Variants in CDKL4 observed in about 807,000 individuals in gnomAD.
The protein encoded by CDKL4 is cyclin-dependent kinase-like 4.
Under a neutral mutation model 42.0 loss-of-function variants are expected in CDKL4, and 44 were observed. The ratio of observed to expected loss-of-function variants is 1.05; its 90% CI spans 0.82 to 1.35. CDKL4 has a LOEUF of 1.35. CDKL4 is among the 40% of genes most tolerant of loss of function. The probability of loss-of-function intolerance (pLI) is 0.00; values close to 1 mark genes in which losing one functional copy is unlikely to be tolerated. For missense variants in CDKL4, 393 were observed against 369.9 expected (o/e 1.06, Z -0.51); for synonymous variants, 120 against 121.6 (o/e 0.99, Z 0.09).
chr2:39,239,216 A>G (rs1448774701), intron 1 of CDKL4, among the ~76,000 whole-genome samples: 1 of 152,214 alleles, frequency 6.6e-6, no homozygotes, highest in Non-Finnish European at 1.5e-5. Context: ...AAAATGGACA[A>G]AGACCAAAAT....
chr2:39,228,114 A>G (rs913853771), intron 2 of CDKL4, among the ~76,000 whole-genome samples: 2 of 152,178 alleles, frequency 1.3e-5, no homozygotes, highest in African/African-American at 2.4e-5. Flanking sequence ...GGGCACTTGT[A>G]ATGCAGAAGG....
intron 2 of CDKL4, among the ~76,000 whole-genome samples, chr2:39,228,284 G>T (rs1199145651): frequency 6.6e-6 from 1 of 152,160 alleles, no homozygotes; most frequent in Non-Finnish European, 1.5e-5. Flanking sequence ...CGCGCCCTCT[G>T]CTGGCTGAGA....
chr2:39,221,126 G>C (rs538440745), intron 3 of CDKL4, among the ~76,000 whole-genome samples: 1 of 150,174 alleles, frequency 6.7e-6, no homozygotes, highest in African/African-American at 2.5e-5. Context: ...CCATTCTCCT[G>C]CCTCAGCCTC....
At chr2:39,207,689 AGG>A (rs1677288696) in intron 4 of CDKL4, among the ~76,000 whole-genome samples, 1 of 152,238 alleles carries the variant, frequency 6.6e-6, no homozygotes, top group African/African-American at 2.4e-5. Context: ...AATATACAAA[AGG>A]AAATGAAGTA....
At chr2:39,233,556 C>A (rs1679191648) in intron 1 of CDKL4, among the ~76,000 whole-genome samples, 1 of 152,144 alleles carries the variant, frequency 6.6e-6, no homozygotes, top group South Asian at 2.1e-4. Flanking sequence ...AAAGAAACTG[C>A]ATTTTACTAC....
intron 4 of CDKL4, among the ~76,000 whole-genome samples, chr2:39,211,815 T>A (rs966722527): frequency 6.6e-6 from 1 of 151,972 alleles, no homozygotes; most frequent in African/African-American, 2.4e-5. Flanking sequence ...AGCCCACTCA[T>A]CAATTTTAAC....
chr2:39,245,140 A>C (rs1679857631), upstream of CDKL4, among the ~76,000 whole-genome samples: 1 of 152,186 alleles, frequency 6.6e-6, no homozygotes, highest in African/African-American at 2.4e-5. Context: ...CACACTGTGG[A>C]AGCTTTGTTC....
intron 3 of CDKL4, among the ~76,000 whole-genome samples, chr2:39,220,107 A>C (rs1347900701): frequency 6.6e-6 from 1 of 152,202 alleles, no homozygotes; most frequent in African/African-American, 2.4e-5. Flanking sequence ...GAGGATAATT[A>C]GTTTCTCAGT....
chr2:39,219,248 A>T (rs1363884047), intron 3 of CDKL4, among the ~76,000 whole-genome samples: 2 of 152,148 alleles, frequency 1.3e-5, no homozygotes, highest in Non-Finnish European at 2.9e-5. Context: ...ATCCTGACCA[A>T]TTCAGGACAT....
At chr2:39,197,352 G>T (rs1407302440) in intron 5 of CDKL4, among the ~76,000 whole-genome samples, 1 of 151,498 alleles carries the variant, frequency 6.6e-6, no homozygotes, top group East Asian at 1.9e-4. Context: ...TGAAACCTAA[G>T]AATAATTGGT....
intron 5 of CDKL4, among the ~76,000 whole-genome samples, chr2:39,196,400 C>G (rs1468296724): frequency 3.3e-5 from 5 of 152,114 alleles, no homozygotes; most frequent in Non-Finnish European, 1.5e-5. Context: ...CTCTGGGTGG[C>G]TAGATCCAGA....
At chr2:39,225,404 CA>C (rs3086271) in intron 3 of CDKL4, among the ~76,000 whole-genome samples, 158 of 122,886 alleles carry the variant, frequency 1.3e-3, no homozygotes, top group African/African-American at 3.7e-3. Context: ...GACTCCATCT[CA>C]AAAAAAAAAA....
intron 4 of CDKL4, among the ~76,000 whole-genome samples, chr2:39,206,371 C>T (rs1677188561): frequency 6.6e-6 from 1 of 152,162 alleles, no homozygotes; most frequent in Non-Finnish European, 1.5e-5. Context: ...CGTGAGCCAC[C>T]GCGCCTGGAC....
At chr2:39,173,760 C>T (rs1035469766), downstream of CDKL4, among the ~76,000 whole-genome samples, 16 of 148,944 alleles carry the variant, frequency 1.1e-4, no homozygotes, top group Non-Finnish European at 2.2e-4. Context: ...TTGCAGTGAG[C>T]CGAGATTGTG....
intron 5 of CDKL4, among the ~76,000 whole-genome samples, chr2:39,199,543 A>T (rs945459926): frequency 6.6e-6 from 1 of 152,144 alleles, no homozygotes; most frequent in Non-Finnish European, 1.5e-5. Flanking sequence ...AAAAAAAGAA[A>T]ACTACAGACC....
At chr2:39,209,648 G>A (rs999875367) in intron 4 of CDKL4, among the ~76,000 whole-genome samples, 2 of 152,112 alleles carry the variant, frequency 1.3e-5, no homozygotes, top group African/African-American at 4.8e-5. Flanking sequence ...GAGTAGCAAG[G>A]CCTGAATCCC....
rs1268834016 is a variant in CDKL4, at chr2:39,231,142, G to A, written c.-56-1554C>T. Among the ~76,000 whole-genome samples, 6 of 152,180 alleles carry A rather than the reference G, an allele frequency of 3.9e-5. No individual in the cohort carries two copies. The South Asian group carries it at 1.2e-3, about 32-fold the overall frequency. ...CAGGAGAATCTCTTGAACCCTGGAG[G>A]TGGAGGTTGCAGTGAGCTGAGATCG... On this transcript the variant is annotated intron_variant, in intron 1 of 9. Coordinates refer to ENST00000451199, the Ensembl canonical transcript of CDKL4.
intron 5 of CDKL4, among the ~76,000 whole-genome samples, chr2:39,201,659 G>C (rs6761679): frequency 0.73 from 110,598 of 151,990 alleles, 45,106 homozygotes; most frequent in Non-Finnish European, 0.91. Context: ...CAAAATAATG[G>C]CATTTGCAGC....
At chr2:39,240,184 C>T (rs1423704462) in intron 1 of CDKL4, among the ~76,000 whole-genome samples, 3 of 149,202 alleles carry the variant, frequency 2.0e-5, no homozygotes, top group South Asian at 2.1e-4. Context: ...CCGAGACAGG[C>T]GAATCACCTG....
Sources: gnomAD v4.1 joint callset for allele counts (sites outside exome capture counted in the v4.1 genomes callset) on GRCh38, gnomAD v4.1.1 for gene constraint, MANE v1.5 for transcripts, NCBI Gene and HGNC (gene_info 2026-07-23, HGNC 2026-07-21) for gene names.